Variants in OSBPL10 observed in about 807,000 individuals in gnomAD.
OSBPL10 encodes the protein oxysterol binding protein like 10.
Under a neutral mutation model 81.7 loss-of-function variants are expected in OSBPL10, and 49 were observed. The observed-to-expected ratio is 0.60, with a 90% CI of 0.48 to 0.76. The LOEUF (loss-of-function observed/expected upper bound fraction) is 0.76, where lower values mean the gene tolerates loss of function less well. Ranked by LOEUF, OSBPL10 falls within the 30% of genes least tolerant of loss-of-function variation. OSBPL10 has a pLI of 0.00. For missense variants in OSBPL10, 923 were observed against 987.8 expected (o/e 0.93, Z 0.88); for synonymous variants, 419 against 383.6 (o/e 1.09, Z -1.08).
chr3:31,770,913 TCCCCATTCTAGGAAGTGG>T (rs1208910825), intron 4 of OSBPL10, among the ~76,000 whole-genome samples: 1 of 152,144 alleles, frequency 6.6e-6, no homozygotes, highest in Non-Finnish European at 1.5e-5. Context: ...CACCCCATTC[TCCCCATTCTAGGAAGTGG>T]CACAGTTTAG....
At chr3:32,053,678 T>A (rs1699684848) in intron 1 of OSBPL10, among the ~76,000 whole-genome samples, 1 of 151,876 alleles carries the variant, frequency 6.6e-6, no homozygotes, top group Non-Finnish European at 1.5e-5. Flanking sequence ...CATGTAATAT[T>A]AAAAAAAATA....
At chr3:31,840,613 T>A (rs1445797918) in intron 3 of OSBPL10, among the ~76,000 whole-genome samples, 1 of 152,220 alleles carries the variant, frequency 6.6e-6, no homozygotes, top group Non-Finnish European at 1.5e-5. Context: ...AGCACCTTAC[T>A]AACCCACCTA....
chr3:31,915,227 A>C (rs1006208697), intron 1 of OSBPL10, among the ~76,000 whole-genome samples: 1 of 151,938 alleles, frequency 6.6e-6, no homozygotes, highest in African/African-American at 2.4e-5. Flanking sequence ...CCATGAATAA[A>C]ATTTCCTCTT....
At chr3:31,891,398 T>G (rs1695887648) in intron 1 of OSBPL10, among the ~76,000 whole-genome samples, 1 of 152,206 alleles carries the variant, frequency 6.6e-6, no homozygotes, top group African/African-American at 2.4e-5. Flanking sequence ...GGGAACCACT[T>G]GTTTTCATTT....
Position 31,708,129 on chromosome 3 carries a change from G to T in OSBPL10, c.1096-5621C>A, listed in dbSNP as rs1331392644. 2.0e-5 allele frequency among the ~76,000 whole-genome samples: 3 copies of T among 152,196 alleles called. No homozygotes were observed. The East Asian group carries it at 5.8e-4, about 29-fold the overall frequency. ...AATTTTTTATTAAATTAGAGACAGG[G>T]TCTTGCTATGTTGCCAAAGTTGGTC... On this transcript the variant is annotated intron_variant, in intron 6 of 11. Transcript: ENST00000396556.
chr3:31,666,178 G>A (rs1700186110), intron 10 of OSBPL10, among the ~76,000 whole-genome samples: 1 of 152,212 alleles, frequency 6.6e-6, no homozygotes, highest in South Asian at 2.1e-4. Context: ...CTGAGGCAGG[G>A]CAGGACTGGC....
intron 2 of OSBPL10, among the ~76,000 whole-genome samples, chr3:32,026,064 TAGATA>T (rs1559551463): frequency 1.4e-3 from 153 of 112,278 alleles, no homozygotes; most frequent in African/African-American, 4.4e-3. Flanking sequence ...AGATGATAGA[TAGATA>T]GATAGATAGA....
Position 31,668,748 on chromosome 3 carries a change from C to T in OSBPL10, c.1990G>A (p.Glu664Lys), listed in dbSNP as rs377530305. The part of the protein sequence containing the change: ...KAHGEWNGTL[E>K]FTYNNGETKV... ...GTTTCTCCATTGTTGTAGGTGAACT[C>T]TAAAGTACCATTCCATTCCCCATGG... Residue 664 changes from glutamate (E) to lysine (K), a missense_variant, in exon 10 of 12, where the codon GAG becomes AAG. Physicochemically the swap from Glu to Lys is moderately conservative, Grantham distance 56. Transcript: ENST00000396556. 3.1e-6 allele frequency: 5 copies of T among 1,614,002 alleles called. No homozygotes were observed. The highest frequency in any genetic ancestry group is 3.3e-4 in the Middle Eastern group (2 of 6,084).
At chr3:31,956,064 T>C (rs1308449720) in intron 1 of OSBPL10, among the ~76,000 whole-genome samples, 5 of 152,218 alleles carry the variant, frequency 3.3e-5, no homozygotes, top group Admixed American at 2.0e-4. Context: ...GTAGCATTGA[T>C]CTTGGTTCTC....
chr3:31,897,530 T>C (rs1177844067), intron 1 of OSBPL10, among the ~76,000 whole-genome samples: 2 of 152,124 alleles, frequency 1.3e-5, no homozygotes, highest in Non-Finnish European at 1.5e-5. Flanking sequence ...ACATTTCAGA[T>C]TGAAAGATCT....
chr3:31,975,141 G>A (rs764283750), intron 1 of OSBPL10, among the ~76,000 whole-genome samples: 6 of 152,130 alleles, frequency 3.9e-5, no homozygotes, highest in Non-Finnish European at 7.3e-5. Context: ...TACGTATTTT[G>A]AACCATAAGT....
chr3:31,753,520 C>T (rs546704549), intron 4 of OSBPL10, among the ~76,000 whole-genome samples: 1 of 152,246 alleles, frequency 6.6e-6, no homozygotes, highest in Non-Finnish European at 1.5e-5. Flanking sequence ...CACACACACA[C>T]ACAAACAGCT....
chr3:31,916,815 A>G (rs1346065960), intron 1 of OSBPL10, among the ~76,000 whole-genome samples: 2 of 152,200 alleles, frequency 1.3e-5, no homozygotes, highest in Non-Finnish European at 2.9e-5. Flanking sequence ...ATTCTTGCCA[A>G]AAAGACCAAT....
chr3:31,893,110 G>T (rs558926326), intron 1 of OSBPL10, among the ~76,000 whole-genome samples: 234 of 152,206 alleles, frequency 1.5e-3, no homozygotes, highest in African/African-American at 5.5e-3. Flanking sequence ...GCAGATAGAG[G>T]GGCAGAGTCA....
chr3:31,740,093 G>C (rs1205205177), intron 5 of OSBPL10, among the ~76,000 whole-genome samples: 2 of 150,234 alleles, frequency 1.3e-5, no homozygotes, highest in African/African-American at 4.9e-5. Flanking sequence ...GCACAGGCTG[G>C]AGTGCAGTGG....
At chr3:31,746,913 A>G (rs1697543832) in intron 5 of OSBPL10, among the ~76,000 whole-genome samples, 4 of 152,142 alleles carry the variant, frequency 2.6e-5, no homozygotes, top group Admixed American at 2.6e-4. Context: ...AACATGGCAC[A>G]TGTATACATA....
rs1306473764 is a variant in OSBPL10, at chr3:31,930,003, C to CAAACAAAAAAAAAAAAAAAAAAAAAA, written c.282-50174_282-50173insTTTTTTTTTTTTTTTTTTTTTTGTTT. On this transcript the variant is annotated intron_variant, in intron 1 of 11. Coordinates refer to ENST00000396556, the MANE Select transcript of OSBPL10 (RefSeq NM_017784.5). ...GATCAAGTGAGACCCTGTCACCAAC[C>CAAACAAAAAAAAAAAAAAAAAAAAAA]AAAAAAAAAAAAAAAAAAAAAAACA... Among the ~76,000 whole-genome samples the CAAACAAAAAAAAAAAAAAAAAAAAAA allele has an allele frequency of 4.1e-5, 3 of 72,574 alleles. 1 individual carries two copies. Among genetic ancestry groups the CAAACAAAAAAAAAAAAAAAAAAAAAA allele is most frequent in the African/African-American group, 5.3e-5 (1 of 18,734 alleles). 47.6% of individuals were successfully genotyped at this position (72,574 alleles called of 152,430 possible).
At chr3:31,675,672 G>A (rs939507283) in intron 8 of OSBPL10, among the ~76,000 whole-genome samples, 27 of 152,298 alleles carry the variant, frequency 1.8e-4, no homozygotes, top group African/African-American at 5.3e-4. Context: ...AGGGCCAGGC[G>A]CAGTGGCTCA....
intron 1 of OSBPL10, among the ~76,000 whole-genome samples, chr3:31,937,765 T>C (rs1162494510): frequency 1.3e-5 from 2 of 152,178 alleles, no homozygotes; most frequent in Non-Finnish European, 2.9e-5. Flanking sequence ...ACATTGTAGC[T>C]TCTCCTTATT....
Sources: allele counts gnomAD v4.1 joint callset (sites outside exome capture counted in the v4.1 genomes callset), GRCh38; gene constraint gnomAD v4.1.1; transcripts MANE v1.5; gene names NCBI Gene and HGNC (gene_info 2026-07-23, HGNC 2026-07-21).